SYNE2: variants seen among roughly 807,000 people sequenced by gnomAD.
SYNE2 encodes nesprin-2.
SYNE2 carries 431 observed loss-of-function variants against 856.3 expected under a neutral mutation model. The observed-to-expected ratio is 0.50, with a 90% CI of 0.47 to 0.55. The LOEUF (loss-of-function observed/expected upper bound fraction) is 0.55. SYNE2 is among the 20% of genes least tolerant of loss of function. SYNE2 has a pLI of 0.00. For synonymous variants in SYNE2, 2,923 were observed against 2,872.3 expected (o/e 1.02, Z -0.56); for missense variants, 8,129 against 8,023.2 (o/e 1.01, Z -0.50).
rs373196708 is a variant in SYNE2 at position 64,225,352 on chromosome 14, C to T, written c.20550C>T (p.Phe6850=). The T allele has an allele frequency of 6.2e-7, 1 of 1,614,168 alleles. No individual in the cohort carries two copies. Among genetic ancestry groups the T allele is most frequent in the Non-Finnish European group, 8.5e-7 (1 of 1,180,032 alleles). Residue 6850 remains phenylalanine (F), a synonymous_variant, in exon 116 of 116, where the codon TTC becomes TTT. Coordinates refer to ENST00000555002, the MANE Select transcript of SYNE2 (RefSeq NM_182914.3). ...GCAGCACACGGCCACAGCGCTCCTT[C>T]CTCTCAAGGGTGGTCCGGGCAGCCC... ...VPGSTRPQRS[F]LSRVVRAALP... is the part of the protein sequence containing the mutation.
intron 52 of SYNE2, among the ~76,000 whole-genome samples, chr14:64,071,326 C>G (rs8009989): frequency 0.042 from 6,336 of 151,976 alleles, 459 homozygotes; most frequent in African/African-American, 0.14. Flanking sequence ...AACCCCGTCT[C>G]TACTAAAAAT....
In SYNE2 at chr14:63,940,650, G is replaced by A. The variant is rs765449216; in HGVS notation, c.116G>A (p.Cys39Tyr). The A allele has an allele frequency of 3.1e-6, 5 of 1,613,994 alleles. No homozygotes were observed. Among genetic ancestry groups the A allele is most frequent in the Non-Finnish European group, 4.2e-6 (5 of 1,180,002 alleles). Residue 39 changes from cysteine to tyrosine, a missense_variant, in exon 3 of 116, where the codon TGC (cysteine) becomes TAC (tyrosine). Transcript: ENST00000555002. ...QEDTQKKAFT[C>Y]WINSQLARHT... ...GACACCCAGAAGAAAGCCTTCACGT[G>A]CTGGATAAACTCACAGTTGGCCAGG...
intron 1 of SYNE2, among the ~76,000 whole-genome samples, chr14:63,815,659 T>C (rs965162991): frequency 7.2e-5 from 11 of 152,054 alleles, no homozygotes; most frequent in African/African-American, 2.7e-4. Context: ...ACTGCCCTTT[T>C]CCCAAAGCTC....
rs754886522 is a variant in SYNE2, at chr14:63,990,962, T to G, written c.2493T>G (p.Ile831Met). Reference protein sequence around the residue: ...EKVQINVVKLIAALKNLTDVS... With the variant: ...EKVQINVVKLMAALKNLTDVS... Reference sequence around the variant, plus strand: ...TCAAGATCAATGTGGTAAAACTCATTGCAGCGTTGAAGAACTTAACTGACG... The same window carrying G: ...TCAAGATCAATGTGGTAAAACTCATGGCAGCGTTGAAGAACTTAACTGACG... Residue 831 changes from isoleucine (I) to methionine (M), a missense_variant, in exon 21 of 116, where the codon ATT becomes ATG. Physicochemically the swap from Ile to Met is conservative, Grantham distance 10. Transcript: ENST00000555002. 3.0e-5 allele frequency: 48 copies of G among 1,614,124 alleles called. No individual in the cohort carries two copies. The East Asian group carries it at 1.0e-3, about 35-fold the overall frequency.
In SYNE2 at chr14:64,163,414, G is replaced by A. The variant is rs201134182; in HGVS notation, c.16312G>A (p.Asp5438Asn). ...TTTTCTTCTGCAGGAGCTGCAGCAT[G>A]ATGTGCAGAAAACAAAAGAAGCCTT... ...ALQDIKELQH[D>N]VQKTKEAFLQ... is the part of the protein sequence containing the mutation. The change falls in exon 89 of 116, where the codon GAT (aspartate) becomes AAT (asparagine). Residue 5438 changes from aspartate to asparagine, a missense_variant. Asp to Asn is a conservative substitution (Grantham distance 23, BLOSUM62 1). Transcript: ENST00000555002. 2.4e-5 allele frequency: 39 copies of A among 1,614,014 alleles called. No homozygotes were observed. The African/African-American group carries it at 4.5e-4, about 19-fold the overall frequency.
rs549632708 is a variant in SYNE2, at chr14:63,916,057, T to TTTTGCTTGTTGATGTCATGTGGA, written c.79+6830_79+6831insTTTGCTTGTTGATGTCATGTGGA. Among the ~76,000 whole-genome samples, 1,026 of 152,298 alleles carry TTTTGCTTGTTGATGTCATGTGGA rather than the reference T, an allele frequency of 6.7e-3. 19 individuals carry two copies. The highest frequency in any genetic ancestry group is 0.023 in the African/African-American group (972 of 41,562). On this transcript the variant is annotated intron_variant, in intron 2 of 115. Coordinates refer to ENST00000555002, the MANE Select transcript of SYNE2 (RefSeq NM_182914.3). ...GGGCACCTTCAAGAAGCATGTAGTC[T>TTTTGCTTGTTGATGTCATGTGGA]AGATGTGCTTTTGCTTGTTGATGTC...
Position 64,137,673 on chromosome 14 carries a change from A to C in SYNE2, c.14647-114A>C, listed in dbSNP as rs763075192. ...ACTATATAGTCTTGAATGTTGGGAA[A>C]GTGTTACTGTTTTATCAGTGGACAC... On this transcript the variant is annotated intron_variant, in intron 78 of 115. Transcript: ENST00000555002. 7.5e-4 allele frequency: 799 copies of C among 1,070,810 alleles called. 1 individual carries two copies. The highest frequency in any genetic ancestry group is 9.8e-4 in the Non-Finnish European group (708 of 718,814). The allele number at this position is 1,070,810 out of a possible 1,614,324, so 66.3% of individuals were successfully genotyped here. A position where few individuals can be genotyped will look rare whatever the true frequency, so the allele number is the denominator to read the frequency against.
intron 1 of SYNE2, among the ~76,000 whole-genome samples, chr14:63,865,073 A>T (rs1894855733): frequency 1.4e-5 from 2 of 142,452 alleles, no homozygotes; most frequent in Admixed American, 1.5e-4. Flanking sequence ...CCTCATCTGT[A>T]AAAGTGAAAC....
At position 63,977,988 on chromosome 14, in the gene SYNE2, A is replaced by G. The variant is rs1214938828; in HGVS notation, c.1377A>G (p.Pro459=). 2 of 1,613,162 alleles carry G rather than the reference A, an allele frequency of 1.2e-6. No individual in the cohort carries two copies. The highest frequency in any genetic ancestry group is 1.7e-5 in the Admixed American group (1 of 60,018). ...ATGAAAATCACTTGCCATTGGTACC[A>G]CCTAACAAATTGGAGGAAATGAAAA... ...NKDENHLPLV[P]PNKLEEMKRR... is the part of the protein sequence containing the mutation. The change falls in exon 13 of 116, where the codon CCA becomes CCG. Residue 459 remains proline (P), a synonymous_variant. Coordinates refer to ENST00000555002, the MANE Select transcript of SYNE2 (RefSeq NM_182914.3).
At chr14:64,169,272 C>G (rs778626441) in intron 93 of SYNE2, among the ~76,000 whole-genome samples, 8 of 152,192 alleles carry the variant, frequency 5.3e-5, no homozygotes, top group Admixed American at 2.6e-4. Flanking sequence ...CCAAATGATT[C>G]TTCTGTACTG....
At chr14:64,129,974 A>G in intron 75 of SYNE2, 73 bp downstream of exon 75, 1 of 1,613,624 alleles carries the variant, frequency 6.2e-7, no homozygotes. Flanking sequence ...CCACCAGCAG[A>G]GTTTAGATTT....
At chr14:63,911,380 GTATTAT>G (rs923354534) in intron 2 of SYNE2, among the ~76,000 whole-genome samples, 38 of 152,190 alleles carry the variant, frequency 2.5e-4, no homozygotes, top group African/African-American at 8.9e-4. Context: ...GCACTTGGTA[GTATTAT>G]TATTATTATA....
intron 84 of SYNE2, among the ~76,000 whole-genome samples, chr14:64,148,444 C>T (rs569578382): frequency 4.5e-4 from 68 of 152,152 alleles, no homozygotes; most frequent in Non-Finnish European, 7.5e-4. Flanking sequence ...CATGCCTGGC[C>T]GGCATCATCC....
chr14:64,114,840 C>T (rs1010085978), intron 66 of SYNE2, among the ~76,000 whole-genome samples: 3 of 151,994 alleles, frequency 2.0e-5, no homozygotes, highest in South Asian at 2.1e-4. Context: ...AGGCTGGTCT[C>T]GAACTCCTGG....
At chr14:64,208,117 G>A in intron 100 of SYNE2, 1 of 456,012 alleles carries the variant, frequency 2.2e-6, no homozygotes, top group Non-Finnish European at 4.4e-6. Flanking sequence ...CATCATCAAA[G>A]GACAAGACTC....
At chr14:64,072,735 A>G (rs2097422289) in intron 52 of SYNE2, among the ~76,000 whole-genome samples, 1 of 152,176 alleles carries the variant, frequency 6.6e-6, no homozygotes, top group Admixed American at 6.5e-5. Context: ...GCCTGACTTC[A>G]GGTCATCTGC....
Position 64,030,159 on chromosome 14 carries a change from A to G in SYNE2, c.6879+100A>G. 2 of 1,123,226 alleles carry G rather than the reference A, an allele frequency of 1.8e-6. 1 individual carries two copies. Among genetic ancestry groups the G allele is most frequent in the Middle Eastern group, 4.9e-4 (2 of 4,100 alleles). 69.6% of individuals were successfully genotyped at this position (1,123,226 alleles called of 1,614,324 possible). A position where few individuals can be genotyped will look rare whatever the true frequency, so the allele number is the denominator to read the frequency against. Reference sequence around the variant, plus strand: ...GTCCTCTGTCAGAAATTCCAGTGGTATTCAGATGACTCTTAGGTAATTAAA... The same window carrying G: ...GTCCTCTGTCAGAAATTCCAGTGGTGTTCAGATGACTCTTAGGTAATTAAA... On this transcript the variant is annotated intron_variant, in intron 44 of 115. Coordinates refer to ENST00000555002, the MANE Select transcript of SYNE2 (RefSeq NM_182914.3).
chr14:63,881,823 G>A (rs946960574), intron 1 of SYNE2, among the ~76,000 whole-genome samples: 5 of 152,060 alleles, frequency 3.3e-5, no homozygotes, highest in Admixed American at 2.6e-4. Flanking sequence ...TAGAACAATG[G>A]CACTATTACT....
intron 3 of SYNE2, among the ~76,000 whole-genome samples, 173 bp from the exon 4 acceptor site, chr14:63,941,522 G>A (rs934627725): frequency 1.3e-5 from 2 of 152,108 alleles, no homozygotes; most frequent in African/African-American, 2.4e-5. Context: ...AATTAAATTC[G>A]CTACTTTTCT....
Sources: allele counts gnomAD v4.1 joint callset (sites outside exome capture counted in the v4.1 genomes callset), GRCh38; gene constraint gnomAD v4.1.1; transcripts MANE v1.5; gene names NCBI Gene and HGNC (gene_info 2026-07-23, HGNC 2026-07-21).